Variants in USP9X observed in about 807,000 individuals in gnomAD.
USP9X encodes the protein ubiquitin specific peptidase 9 X-linked.
A neutral mutation model predicts 190.3 loss-of-function variants in USP9X; 7 were observed. The ratio of observed to expected loss-of-function variants is 0.04; its 90% CI spans 0.02 to 0.07. The LOEUF is 0.07. USP9X is among the 10% of genes least tolerant of loss of function. The pLI is 1.00. For missense variants in USP9X, 1,010 were observed against 1,916.9 expected, an observed-to-expected ratio of 0.53 and a Z score of 8.83; for synonymous variants, 645 against 659.5, an observed-to-expected ratio of 0.98 and a Z score of 0.34.
intron 1 of USP9X, among the ~76,000 whole-genome samples, chrX:41,099,109 T>G (rs867196041): frequency 1.1e-5 from 1 of 89,740 alleles, no homozygotes; most frequent in African/African-American, 4.3e-5. Flanking sequence ...TTTTTTTTTT[T>G]TTTTTTTTTT....
At chrX:41,225,282 GT>G in intron 41 of USP9X, 145 bp downstream of exon 41, 1 of 435,447 alleles carries the variant, frequency 2.3e-6, no homozygotes, top group Non-Finnish European at 3.8e-6. Context: ...TAAATAACAG[GT>G]TCTCCCCTTT....
Position 41,230,539 on chromosome X carries a change from G to A in USP9X, c.7470G>A (p.Ser2490=), listed in dbSNP as rs200344642. The change falls in exon 44 of 45, where the codon TCG becomes TCA. Residue 2490 remains serine (S), a synonymous_variant. Transcript: ENST00000378308. ...AAGATGCTCCAGATGAACATGAGTC[G>A]CCTCCACCTGAAGATGCCCCATTGT... The part of the protein sequence containing the change: ...DDQDAPDEHE[S]PPPEDAPLYP... The A allele has an allele frequency of 4.5e-4, 543 of 1,208,761 alleles. 1 individual carries two copies. The highest frequency in any genetic ancestry group is 5.7e-4 in the Non-Finnish European group (514 of 894,789).
At chrX:41,188,817 CT>C (rs1220265074) in intron 25 of USP9X, among the ~76,000 whole-genome samples, 1 of 112,227 alleles carries the variant, frequency 8.9e-6, no homozygotes, top group Non-Finnish European at 1.9e-5. Context: ...GTAGTTACTA[CT>C]TTTTGATTAA....
intron 11 of USP9X, among the ~76,000 whole-genome samples, chrX:41,146,215 TATA>T (rs943663666): frequency 8.9e-5 from 10 of 112,151 alleles, no homozygotes; most frequent in African/African-American, 3.2e-4. Context: ...ATGGTCTGAA[TATA>T]ATAATAATTC....
At chrX:41,173,684 T>A in intron 21 of USP9X, among the ~76,000 whole-genome samples, 1 of 112,181 alleles carries the variant, frequency 8.9e-6, no homozygotes, top group African/African-American at 3.2e-5. Flanking sequence ...CAAAAAGATA[T>A]AGTTCAAACT....
chrX:41,099,106 T>G (rs987841306), intron 1 of USP9X, among the ~76,000 whole-genome samples: 3 of 88,293 alleles, frequency 3.4e-5, no homozygotes, highest in Non-Finnish European at 4.4e-5. Flanking sequence ...GTTTTTTTTT[T>G]TTTTTTTTTT....
At chrX:41,159,209 A>G (rs1469534403) in intron 14 of USP9X, among the ~76,000 whole-genome samples, 2 of 112,035 alleles carry the variant, frequency 1.8e-5, no homozygotes, top group Non-Finnish European at 3.8e-5. Flanking sequence ...GATGCTTAGT[A>G]TTATTAGTTA....
In USP9X at chrX:41,140,443, T is replaced by C. The variant is rs374328860; in HGVS notation, c.655-213T>C. On this transcript the variant is annotated intron_variant, in intron 6 of 44. Coordinates refer to ENST00000378308, the MANE Select transcript of USP9X (RefSeq NM_001039591.3). ...TTACATTGGTACAGACAGACAGAACTATGCCCCAGTGATTTAATCTATACT... is the reference window on the plus strand; with the variant it reads ...TTACATTGGTACAGACAGACAGAACCATGCCCCAGTGATTTAATCTATACT... 2.9e-4 allele frequency among the ~76,000 whole-genome samples: 33 copies of C among 112,000 alleles called. No homozygotes were observed. The East Asian group carries it at 5.3e-3, about 18-fold the overall frequency.
At chrX:41,135,203 C>T (rs931377038) in intron 5 of USP9X, among the ~76,000 whole-genome samples, 4 of 110,585 alleles carry the variant, frequency 3.6e-5, no homozygotes, top group Non-Finnish European at 7.6e-5. Context: ...TCATATACGT[C>T]TGGGACACCA....
intron 38 of USP9X, among the ~76,000 whole-genome samples, chrX:41,221,157 G>A (rs2063260053): frequency 9.2e-6 from 1 of 109,234 alleles, no homozygotes; most frequent in African/African-American, 3.3e-5. Flanking sequence ...AGCTACTCAG[G>A]AGGCTGAGGC....
intron 32 of USP9X, among the ~76,000 whole-genome samples, chrX:41,205,856 A>AT (rs1239244132): frequency 1.1e-3 from 89 of 82,152 alleles, no homozygotes; most frequent in East Asian, 5.8e-3. Flanking sequence ...TTCTTAACCT[A>AT]TTTTTTTTTT....
At chrX:41,220,233 A>G (rs745313746) in intron 38 of USP9X, among the ~76,000 whole-genome samples, 23 of 112,241 alleles carry the variant, frequency 2.0e-4, no homozygotes, top group Middle Eastern at 4.2e-3. Context: ...ACAGACAAGC[A>G]TAAGTGGAAT....
At chrX:41,162,942 C>T in intron 15 of USP9X, 65 bp downstream of exon 15, 1 of 932,408 alleles carries the variant, frequency 1.1e-6, no homozygotes, top group East Asian at 3.4e-5. Flanking sequence ...AATGAATAGA[C>T]TGTATAGCTT....
At chrX:41,090,399 C>T (rs2061946848) in intron 1 of USP9X, among the ~76,000 whole-genome samples, 1 of 112,116 alleles carries the variant, frequency 8.9e-6, no homozygotes, top group Non-Finnish European at 1.9e-5. Flanking sequence ...TTGTAATATA[C>T]TTTTAAAGAA....
chrX:41,209,811 G>A (rs1313008445), intron 32 of USP9X, among the ~76,000 whole-genome samples: 2 of 112,161 alleles, frequency 1.8e-5, no homozygotes, highest in East Asian at 2.8e-4. Flanking sequence ...GACAGTTCTT[G>A]CATACTTTAA....
chrX:41,123,180 T>C (rs975606633), intron 1 of USP9X, among the ~76,000 whole-genome samples: 43 of 111,957 alleles, frequency 3.8e-4, no homozygotes, highest in Non-Finnish European at 4.7e-4. Flanking sequence ...AGATAGTTTT[T>C]GCCGTTTCTT....
chrX:41,182,053 A>G (rs753017796), intron 21 of USP9X, among the ~76,000 whole-genome samples: 5 of 112,070 alleles, frequency 4.5e-5, no homozygotes, highest in Admixed American at 1.9e-4. Flanking sequence ...TGAGTAAACT[A>G]TAATTCAAGA....
chrX:41,126,041 G>C (rs1330998273), intron 2 of USP9X, among the ~76,000 whole-genome samples: 1 of 111,126 alleles, frequency 9.0e-6, no homozygotes, highest in East Asian at 2.8e-4. Context: ...GTGTTATTTT[G>C]AAGTTTTTAT....
At chrX:41,165,568 T>C (rs1213457622) in intron 15 of USP9X, among the ~76,000 whole-genome samples, 2 of 111,761 alleles carry the variant, frequency 1.8e-5, no homozygotes, top group Non-Finnish European at 3.8e-5. Context: ...CATGCTTCTT[T>C]CCAAAAGTCT....
Sources: allele counts gnomAD v4.1 joint callset (sites outside exome capture counted in the v4.1 genomes callset), GRCh38; gene constraint gnomAD v4.1.1; transcripts MANE v1.5; gene names NCBI Gene and HGNC (gene_info 2026-07-23, HGNC 2026-07-21).